LRCH1: variants seen among roughly 807,000 people sequenced by gnomAD.
LRCH1 encodes the protein leucine rich repeats and calponin homology domain containing 1, also known as leucine-rich repeat and calponin homology domain-containing protein 1.
A neutral mutation model predicts 94.9 loss-of-function variants in LRCH1; 23 were observed. The ratio of observed to expected loss-of-function variants is 0.24; its 90% CI spans 0.17 to 0.34. The LOEUF is 0.34. LRCH1 is among the 10% of genes least tolerant of loss of function. The probability of loss-of-function intolerance (pLI) is 1.00; values close to 1 mark genes in which losing one functional copy is unlikely to be tolerated. For missense variants in LRCH1, 790 were observed against 945.9 expected, an observed-to-expected ratio of 0.84 and a Z score of 2.16; for synonymous variants, 364 against 354.9, an observed-to-expected ratio of 1.03 and a Z score of -0.29.
At chr13:46,688,290 C>T (rs372608266) in intron 6 of LRCH1, among the ~76,000 whole-genome samples, 1 of 152,242 alleles carries the variant, frequency 6.6e-6, no homozygotes, top group South Asian at 2.1e-4. Context: ...ATCTAGAATA[C>T]AAATGTGAAT....
intron 4 of LRCH1, among the ~76,000 whole-genome samples, chr13:46,682,918 G>A (rs191560971): frequency 1.3e-5 from 2 of 152,314 alleles, no homozygotes; most frequent in African/African-American, 2.4e-5. Flanking sequence ...CTCATAGGGG[G>A]TAGTGGATCT....
At chr13:46,577,509 G>A (rs2050317427) in intron 1 of LRCH1, among the ~76,000 whole-genome samples, 1 of 152,138 alleles carries the variant, frequency 6.6e-6, no homozygotes, top group African/African-American at 2.4e-5. Flanking sequence ...CACAATAATT[G>A]GAATGATATC....
chr13:46,594,360 G>A (rs927558605), intron 1 of LRCH1, among the ~76,000 whole-genome samples: 1 of 152,110 alleles, frequency 6.6e-6, no homozygotes, highest in Non-Finnish European at 1.5e-5. Flanking sequence ...AGGTTTGTAA[G>A]AACCTCCTAG....
intron 2 of LRCH1, among the ~76,000 whole-genome samples, chr13:46,657,297 T>C: frequency 6.6e-6 from 1 of 151,650 alleles, no homozygotes; most frequent in Non-Finnish European, 1.5e-5. Context: ...CTGTGAAACA[T>C]TGCCATTTCA....
intron 1 of LRCH1, among the ~76,000 whole-genome samples, chr13:46,632,754 T>G (rs1157845794): frequency 1.3e-5 from 2 of 152,206 alleles, no homozygotes; most frequent in Non-Finnish European, 2.9e-5. Context: ...ATGTGTAAAT[T>G]GTGTGATCAA....
Position 46,743,382 on chromosome 13 carries a change from T to C in LRCH1, c.*1534T>C, listed in dbSNP as rs983683333. ...ACAGTATCTTGAGTTATGTGAGTTT[T>C]TTTTCCTCCTGACTTTGTGTTGATT... On this transcript the variant is annotated 3_prime_UTR_variant, in exon 20 of 20. Transcript: ENST00000389797. 1 of 985,760 alleles carries C rather than the reference T, an allele frequency of 1.0e-6. No homozygotes were observed. The highest frequency in any genetic ancestry group is 4.7e-5 in the South Asian group (1 of 21,288). The allele number at this position is 985,760 out of a possible 1,614,324, so 61.1% of individuals were successfully genotyped here.
intron 17 of LRCH1, among the ~76,000 whole-genome samples, 190 bp from the exon 18 acceptor site, chr13:46,728,657 T>A (rs1015289365): frequency 3.9e-5 from 6 of 152,224 alleles, no homozygotes; most frequent in African/African-American, 1.4e-4. Context: ...CTCACCTAAA[T>A]TTGTTTTTAT....
intron 3 of LRCH1, among the ~76,000 whole-genome samples, chr13:46,677,113 A>C (rs2051684714): frequency 6.6e-6 from 1 of 152,166 alleles, no homozygotes; most frequent in Non-Finnish European, 1.5e-5. Context: ...ATTCCTTAAA[A>C]AAATACTTCT....
At position 46,578,797 on chromosome 13, in the gene LRCH1, A is replaced by C. The variant is rs551939174; in HGVS notation, c.307+25094A>C. ...GATGTACGGGGTGTGTGGCCTTCAG[A>C]TGCTTACATTGTGGGAGGGGGATGT... On this transcript the variant is annotated intron_variant, in intron 1 of 19. Transcript: ENST00000389797. Among the ~76,000 whole-genome samples, 3 of 151,920 alleles carry C rather than the reference A, an allele frequency of 2.0e-5. No individual in the cohort carries two copies. In the East Asian group the frequency reaches 5.8e-4, roughly 29 times the overall value.
intron 3 of LRCH1, among the ~76,000 whole-genome samples, chr13:46,669,894 G>T (rs978040852): frequency 2.0e-5 from 3 of 152,222 alleles, no homozygotes; most frequent in African/African-American, 7.2e-5. Flanking sequence ...TCCTGATCTT[G>T]TGTCAGGCAC....
chr13:46,558,690 G>A (rs1046771282), intron 1 of LRCH1, among the ~76,000 whole-genome samples: 12 of 151,450 alleles, frequency 7.9e-5, no homozygotes, highest in African/African-American at 2.2e-4. Flanking sequence ...CCGAGGTTGC[G>A]CCACTGCACT....
At chr13:46,636,912 C>A (rs1468375193) in intron 1 of LRCH1, among the ~76,000 whole-genome samples, 1 of 152,174 alleles carries the variant, frequency 6.6e-6, no homozygotes, top group African/African-American at 2.4e-5. Context: ...ACTCACTCCT[C>A]TTTAGAGTTG....
chr13:46,583,261 G>A (rs1313279629), intron 1 of LRCH1, among the ~76,000 whole-genome samples: 3 of 152,210 alleles, frequency 2.0e-5, no homozygotes, highest in African/African-American at 7.2e-5. Context: ...ATTCAGGCAT[G>A]CTGAAAGCAC....
intron 9 of LRCH1, among the ~76,000 whole-genome samples, chr13:46,697,079 G>T (rs953607719): frequency 6.6e-6 from 1 of 152,090 alleles, no homozygotes; most frequent in African/African-American, 2.4e-5. Context: ...GAAAAACAGA[G>T]TTCTATGCTT....
At chr13:46,669,225 A>G in intron 3 of LRCH1, 69 bp downstream of exon 3, 21 of 1,570,634 alleles carry the variant, frequency 1.3e-5, no homozygotes, top group Non-Finnish European at 1.6e-5. Flanking sequence ...AGGTATTCAG[A>G]AAACCTTTTT....
chr13:46,745,240 A>G (rs1216720772), downstream of LRCH1, among the ~76,000 whole-genome samples: 2 of 151,996 alleles, frequency 1.3e-5, no homozygotes, highest in African/African-American at 4.8e-5. Flanking sequence ...CTGTGTGCCA[A>G]TAAAACTTTA....
At position 46,710,503 on chromosome 13, in the gene LRCH1, G is replaced by A. The variant is rs17068669; in HGVS notation, c.1528-1288G>A. 9.0e-3 allele frequency among the ~76,000 whole-genome samples: 1,374 copies of A among 152,318 alleles called. 42 individuals carry two copies. Among genetic ancestry groups the A allele is most frequent in the East Asian group, 0.084 (436 of 5,174 alleles). ...ATCCATGCAGGAAGAATTGCAAATT[G>A]CATGGCTCATACATAAATATCGAAC... On this transcript the variant is annotated intron_variant, in intron 13 of 19. Coordinates refer to ENST00000389797, the MANE Select transcript of LRCH1 (RefSeq NM_001164211.2).
intron 18 of LRCH1, among the ~76,000 whole-genome samples, chr13:46,730,381 G>C (rs1873040644): frequency 6.6e-6 from 1 of 152,114 alleles, no homozygotes; most frequent in African/African-American, 2.4e-5. Context: ...CCCCATAAAA[G>C]TGCAATGTTC....
At chr13:46,625,275 GC>G (rs1445383743) in intron 1 of LRCH1, among the ~76,000 whole-genome samples, 99 of 152,312 alleles carry the variant, frequency 6.5e-4, no homozygotes, top group African/African-American at 2.1e-3. Context: ...CCTATCTGTT[GC>G]CATGAAACAG....
Sources: gnomAD v4.1 joint callset for allele counts (sites outside exome capture counted in the v4.1 genomes callset) on GRCh38, gnomAD v4.1.1 for gene constraint, MANE v1.5 for transcripts, NCBI Gene and HGNC (gene_info 2026-07-23, HGNC 2026-07-21) for gene names.